Variants in FEM1B observed in about 807,000 individuals in gnomAD.
The protein encoded by FEM1B is protein fem-1 homolog B.
A neutral mutation model predicts 38.6 loss-of-function variants in FEM1B; 10 were observed. That is an observed-to-expected ratio of 0.26 (90% CI 0.16 to 0.44). The LOEUF is 0.44. FEM1B is among the 20% of genes least tolerant of loss of function. The pLI is 1.00. For missense variants in FEM1B, 471 were observed against 786.7 expected, an observed-to-expected ratio of 0.60 and a Z score of 4.80; for synonymous variants, 288 against 288.0, an observed-to-expected ratio of 1.00 and a Z score of 0.00.
rs1178323623 is a variant in FEM1B at position 68,295,564 on chromosome 15, A to G, written c.*4322A>G. 3 of 152,188 alleles carry G rather than the reference A, an allele frequency of 2.0e-5. No individual in the cohort carries two copies. The allele number at this position is 152,188 out of a possible 1,614,324, so 9.4% of individuals were successfully genotyped here. ...CTGCAATCCTCCGTGCAGAGGAACT[A>G]CACTGTTGTATTCTAGTAATTCACT... On this transcript the variant is annotated 3_prime_UTR_variant, in exon 2 of 2. Coordinates refer to ENST00000306917, the MANE Select transcript of FEM1B (RefSeq NM_015322.5).
Position 68,290,391 on chromosome 15 carries a change from C to T in FEM1B, c.1033C>T (p.His345Tyr). ...AGGTGCTGACAATATTGATGTTTCT[C>T]ATCCCATCATTTACAGAGGAGCTGT... ...ILGADNIDVS[H>Y]PIIYRGAVYA... The change falls in exon 2 of 2, where the codon CAT becomes TAT. Residue 345 changes from histidine to tyrosine, a missense_variant. This residue lies in a region of FEM1B where 380 missense variants were observed against 599.6 expected (regional missense o/e 0.63). Coordinates refer to ENST00000306917, the MANE Select transcript of FEM1B (RefSeq NM_015322.5). This position sits in a 1 kb window ranked among gnomAD's most constrained non-coding sequence, Gnocchi z 9.7. 6.2e-7 allele frequency: 1 copy of T among 1,614,096 alleles called. No individual in the cohort carries two copies. The highest frequency in any genetic ancestry group is 8.5e-7 in the Non-Finnish European group (1 of 1,179,942).
At position 68,292,582 on chromosome 15, in the gene FEM1B, C is replaced by A. The variant is rs1892858543; in HGVS notation, c.*1340C>A. ...TGTATCTGTAATTTTCTCTCTAGTGCCAAATGAATGCCTTAGCTACTCATA... is the reference window on the plus strand; with the variant it reads ...TGTATCTGTAATTTTCTCTCTAGTGACAAATGAATGCCTTAGCTACTCATA... On this transcript the variant is annotated 3_prime_UTR_variant, in exon 2 of 2. Transcript: ENST00000306917. 1 of 150,310 alleles carries A rather than the reference C, an allele frequency of 6.7e-6. No individual in the cohort carries two copies. The highest frequency in any genetic ancestry group is 2.4e-5 in the African/African-American group (1 of 40,956). The allele number at this position is 150,310 out of a possible 1,614,324, so 9.3% of individuals were successfully genotyped here.
intron 1 of FEM1B, chr15:68,279,850 C>T (rs1892707165): frequency 6.6e-6 from 1 of 152,152 alleles, no homozygotes; most frequent in African/African-American, 2.4e-5. Flanking sequence ...ACGGGTATCA[C>T]CATTATACAC....
rs1052408398 is a variant in FEM1B at position 68,280,642 on chromosome 15, A to G, written c.248+1977A>G. ...GTGCCCTTGCAGTGACTAGTGTTTC[A>G]GTGCTGTTGCAAGAAGGGATTCAAG... On this transcript the variant is annotated intron_variant, in intron 1 of 1. Coordinates refer to ENST00000306917, the MANE Select transcript of FEM1B (RefSeq NM_015322.5). This position sits in a 1 kb window ranked among gnomAD's most constrained non-coding sequence, Gnocchi z 4.2. 6.6e-6 allele frequency among the ~76,000 whole-genome samples: 1 copy of G among 152,186 alleles called. No individual in the cohort carries two copies. Among genetic ancestry groups the G allele is most frequent in the Non-Finnish European group, 1.5e-5 (1 of 68,024 alleles).
rs972912316 is a variant in FEM1B, at chr15:68,284,403, T to G, written c.249-5204T>G. 1.3e-5 allele frequency among the ~76,000 whole-genome samples: 2 copies of G among 151,608 alleles called. No homozygotes were observed. Among genetic ancestry groups the G allele is most frequent in the Non-Finnish European group, 2.9e-5 (2 of 68,008 alleles). On this transcript the variant is annotated intron_variant, in intron 1 of 1. Coordinates refer to ENST00000306917, the MANE Select transcript of FEM1B (RefSeq NM_015322.5). This position sits in a 1 kb window ranked among gnomAD's most constrained non-coding sequence, Gnocchi z 4.4. ...ATAAATTACTTGAATTGAAATTACT[T>G]GAAATTGAAATTACTTGAAATGAAA...
In FEM1B at chr15:68,278,224, C is replaced by T. The variant is rs984557230; in HGVS notation, c.-194C>T. 1.3e-4 allele frequency: 93 copies of T among 728,004 alleles called. No individual in the cohort carries two copies. The highest frequency in any genetic ancestry group is 1.7e-4 in the African/African-American group (9 of 53,398). The allele number at this position is 728,004 out of a possible 1,614,324, so 45.1% of individuals were successfully genotyped here. A position where few individuals can be genotyped will look rare whatever the true frequency, so the allele number is the denominator to read the frequency against. ...GCGCGGGCTGGGTCGCGGACGTGCC[C>T]TTCGCGGCACTCGGCCTCCTCTGCG... is the stretch of plus-strand genomic sequence containing the variant. On this transcript the variant is annotated 5_prime_UTR_variant, in exon 1 of 2. Coordinates refer to ENST00000306917, the MANE Select transcript of FEM1B (RefSeq NM_015322.5). The surrounding 1 kb of genome is among the most constrained non-coding windows in gnomAD (Gnocchi z 5.7).
rs1266075073 is a variant in FEM1B at position 68,290,822 on chromosome 15, G to A, written c.1464G>A (p.Leu488=). The change falls in exon 2 of 2, where the codon CTG becomes CTA. Residue 488 remains leucine, a synonymous_variant. Coordinates refer to ENST00000306917, the MANE Select transcript of FEM1B (RefSeq NM_015322.5). This position sits in a 1 kb window ranked among gnomAD's most constrained non-coding sequence, Gnocchi z 9.7. ...GAACTCGTGAAGGTTTCACCTTGCT[G>A]CATCTGGCTGTCAATTCCAATACTC... The part of the protein sequence containing the change: ...DPRTREGFTL[L]HLAVNSNTPV... The A allele has an allele frequency of 6.2e-7, 1 of 1,614,096 alleles. No homozygotes were observed. Among genetic ancestry groups the A allele is most frequent in the Admixed American group, 1.7e-5 (1 of 60,010 alleles).
rs1892846532 is a variant in FEM1B at position 68,291,419 on chromosome 15, A to G, written c.*177A>G. The G allele has an allele frequency of 1.3e-5, 7 of 546,162 alleles. No homozygotes were observed. In the East Asian group the frequency reaches 1.5e-4, roughly 12 times the overall value. The allele number at this position is 546,162 out of a possible 1,614,324, so 33.8% of individuals were successfully genotyped here. ...TGCCTCATGGTAATTGATTTCAGAC[A>G]GACTTTAACAAAACCACATTGTTTT... On this transcript the variant is annotated 3_prime_UTR_variant, in exon 2 of 2. Transcript: ENST00000306917. The surrounding 1 kb of genome is among the most constrained non-coding windows in gnomAD (Gnocchi z 6.9).
At chr15:68,286,264 C>T (rs1462570777) in intron 1 of FEM1B, among the ~76,000 whole-genome samples, 1 of 151,640 alleles carries the variant, frequency 6.6e-6, no homozygotes, top group Non-Finnish European at 1.5e-5. Flanking sequence ...GTCCCCGTGC[C>T]AGCACTTATT....
rs1474541679 is a variant in FEM1B at position 68,292,604 on chromosome 15, C to T, written c.*1362C>T. 1 of 150,050 alleles carries T rather than the reference C, an allele frequency of 6.7e-6. No individual in the cohort carries two copies. The highest frequency in any genetic ancestry group is 2.4e-5 in the African/African-American group (1 of 40,950). The allele number at this position is 150,050 out of a possible 1,614,324, so 9.3% of individuals were successfully genotyped here. A position where few individuals can be genotyped will look rare whatever the true frequency, so the allele number is the denominator to read the frequency against. On this transcript the variant is annotated 3_prime_UTR_variant, in exon 2 of 2. Transcript: ENST00000306917. Reference sequence around the variant, plus strand: ...GTGCCAAATGAATGCCTTAGCTACTCATAGTGCATGGTACTGTAAGTGAAG... The same window carrying T: ...GTGCCAAATGAATGCCTTAGCTACTTATAGTGCATGGTACTGTAAGTGAAG...
intron 1 of FEM1B, among the ~76,000 whole-genome samples, chr15:68,279,026 A>C (rs1892699003): frequency 6.6e-6 from 1 of 152,190 alleles, no homozygotes; most frequent in African/African-American, 2.4e-5. Flanking sequence ...GTAACTGATC[A>C]GAAATTAAGG....
intron 1 of FEM1B, among the ~76,000 whole-genome samples, chr15:68,287,713 C>A (rs904593285): frequency 6.6e-6 from 1 of 152,012 alleles, no homozygotes; most frequent in African/African-American, 2.4e-5. Flanking sequence ...TGTTCAAGAT[C>A]AAGGTGCCAG....
rs1892823135 is a variant in FEM1B at position 68,289,397 on chromosome 15, AG to A, written c.249-209del. The A allele has an allele frequency of 3.5e-6, 2 of 566,326 alleles. No homozygotes were observed. Among genetic ancestry groups the A allele is most frequent in the Non-Finnish European group, 3.1e-6 (1 of 318,828 alleles). 35.1% of individuals were successfully genotyped at this position (566,326 alleles called of 1,614,324 possible). ...TAGGGTTATATACTCTAGTAGTAAC[AG>A]TAATAGCTAGCATATATTGAGCTTT... On this transcript the variant is annotated intron_variant, in intron 1 of 1. Coordinates refer to ENST00000306917, the MANE Select transcript of FEM1B (RefSeq NM_015322.5). This position sits in a 1 kb window ranked among gnomAD's most constrained non-coding sequence, Gnocchi z 6.9.
rs1892891254 is a variant in FEM1B at position 68,295,195 on chromosome 15, T to C, written c.*3953T>C. ...AGGGAAGAGACAGTGACTTGATGGTTATGGGGAGTGTATCTTGATGTGTGT... is the reference window on the plus strand; with the variant it reads ...AGGGAAGAGACAGTGACTTGATGGTCATGGGGAGTGTATCTTGATGTGTGT... On this transcript the variant is annotated 3_prime_UTR_variant, in exon 2 of 2. Coordinates refer to ENST00000306917, the MANE Select transcript of FEM1B (RefSeq NM_015322.5). 1 of 152,082 alleles carries C rather than the reference T, an allele frequency of 6.6e-6. No individual in the cohort carries two copies. Among genetic ancestry groups the C allele is most frequent in the Non-Finnish European group, 1.5e-5 (1 of 68,002 alleles). The allele number at this position is 152,082 out of a possible 1,614,324, so 9.4% of individuals were successfully genotyped here.
Position 68,288,481 on chromosome 15 carries a change from C to T in FEM1B, c.249-1126C>T, listed in dbSNP as rs1267310413. 2.0e-5 allele frequency among the ~76,000 whole-genome samples: 3 copies of T among 152,166 alleles called. No homozygotes were observed. The highest frequency in any genetic ancestry group is 4.4e-5 in the Non-Finnish European group (3 of 68,034). ...GTAGACTGTCTCCAGCAAAAATCTA[C>T]TTATCAGGTCTTTTGGTTAGTGGTA... On this transcript the variant is annotated intron_variant, in intron 1 of 1. Coordinates refer to ENST00000306917, the MANE Select transcript of FEM1B (RefSeq NM_015322.5). This position sits in a 1 kb window ranked among gnomAD's most constrained non-coding sequence, Gnocchi z 4.6.
At position 68,278,817 on chromosome 15, in the gene FEM1B, A is replaced by G. The variant is rs1404127887; in HGVS notation, c.248+152A>G. ...CTCCTGCCCCACTAATGCCCACTTC[A>G]TCTTCCAGGGCTAATAATCCATCCC... On this transcript the variant is annotated intron_variant, in intron 1 of 1. Coordinates refer to ENST00000306917, the MANE Select transcript of FEM1B (RefSeq NM_015322.5). This position sits in a 1 kb window ranked among gnomAD's most constrained non-coding sequence, Gnocchi z 5.7. The G allele has an allele frequency of 2.3e-6, 2 of 855,534 alleles. No individual in the cohort carries two copies. The highest frequency in any genetic ancestry group is 3.6e-6 in the Non-Finnish European group (2 of 551,186). 53.0% of individuals were successfully genotyped at this position (855,534 alleles called of 1,614,324 possible).
At chr15:68,286,217 G>GTT (rs371468348) in intron 1 of FEM1B, among the ~76,000 whole-genome samples, 119 of 137,942 alleles carry the variant, frequency 8.6e-4, no homozygotes, top group African/African-American at 2.5e-3. Flanking sequence ...TATTTCTGGA[G>GTT]TTTTTTTTTT....
chr15:68,288,296 C>T lies in FEM1B; in HGVS notation c.249-1311C>T, dbSNP rs1420298914. On this transcript the variant is annotated intron_variant, in intron 1 of 1. Coordinates refer to ENST00000306917, the MANE Select transcript of FEM1B (RefSeq NM_015322.5). The surrounding 1 kb of genome is among the most constrained non-coding windows in gnomAD (Gnocchi z 4.6). ...AGCACCAGGAGCATTATTCTCTTTT[C>T]CACTTCATGGGGGATATAATTTGAC... 1.3e-5 allele frequency among the ~76,000 whole-genome samples: 2 copies of T among 152,184 alleles called. No individual in the cohort carries two copies. The highest frequency in any genetic ancestry group is 4.8e-5 in the African/African-American group (2 of 41,432).
Position 68,291,212 on chromosome 15 carries a change from A to G in FEM1B, c.1854A>G (p.Arg618=), listed in dbSNP as rs1892844265. 5 of 1,605,748 alleles carry G rather than the reference A, an allele frequency of 3.1e-6. No individual in the cohort carries two copies. The East Asian group carries it at 6.7e-5, about 21-fold the overall frequency. Reference sequence around the variant, plus strand: ...TTAACTACCAAGACCAGATCCCCAGAACTCTTGAAGAGTTTGTTGGATTTC... The same window carrying G: ...TTAACTACCAAGACCAGATCCCCAGGACTCTTGAAGAGTTTGTTGGATTTC... ...NDINYQDQIP[R]TLEEFVGFH The change falls in exon 2 of 2, where the codon AGA becomes AGG. Residue 618 remains arginine, a synonymous_variant. Coordinates refer to ENST00000306917, the MANE Select transcript of FEM1B (RefSeq NM_015322.5). This position sits in a 1 kb window ranked among gnomAD's most constrained non-coding sequence, Gnocchi z 6.9.
Sources: allele counts gnomAD v4.1 joint callset (sites outside exome capture counted in the v4.1 genomes callset), GRCh38; gene constraint gnomAD v4.1.1; regional missense constraint gnomAD v4.1.1; non-coding constraint Gnocchi (gnomAD v3.1); transcripts MANE v1.5; gene names NCBI Gene and HGNC (gene_info 2026-07-23, HGNC 2026-07-21).